The following FARS2 variants were observed in gnomAD, a reference collection of about 807,000 sequenced individuals.
FARS2 encodes the protein phenylalanyl-tRNA synthetase 2, mitochondrial.
FARS2 carries 40 observed loss-of-function variants against 46.4 expected under a neutral mutation model. The observed-to-expected ratio is 0.86, with a 90% CI of 0.67 to 1.12. The LOEUF is 1.12. FARS2 is among the 50% of genes most tolerant of loss of function. The pLI is 0.00. For synonymous variants in FARS2, 234 were observed against 214.9 expected (o/e 1.09, Z -0.78); for missense variants, 513 against 567.9 (o/e 0.90, Z 0.98).
chr6:5,620,195 C>T (rs1389733308), intron 6 of FARS2, among the ~76,000 whole-genome samples: 6 of 152,004 alleles, frequency 3.9e-5, no homozygotes, highest in South Asian at 2.1e-4. Flanking sequence ...ACCTTCCTAC[C>T]GTGCACGCGC....
rs1381607656 is a variant in FARS2 at position 5,311,405 on chromosome 6, C to T, written c.-22+49745C>T. On this transcript the variant is annotated intron_variant, in intron 1 of 6. Coordinates refer to ENST00000274680, the MANE Select transcript of FARS2 (RefSeq NM_006567.5). This position sits in a 1 kb window ranked among gnomAD's most constrained non-coding sequence, Gnocchi z 4.1. ...ATACAGAAGGGGGTCCTATTTCAGT[C>T]ACGTGTGTGTGTGTGTACATTTGGC... 2.6e-5 allele frequency among the ~76,000 whole-genome samples: 4 copies of T among 152,140 alleles called. No individual in the cohort carries two copies. Among genetic ancestry groups the T allele is most frequent in the Non-Finnish European group, 1.5e-5 (1 of 68,020 alleles).
intron 1 of FARS2, among the ~76,000 whole-genome samples, chr6:5,348,779 A>G (rs1365504989): frequency 6.6e-6 from 1 of 152,076 alleles, no homozygotes; most frequent in African/African-American, 2.4e-5. Context: ...GAAAAATTCA[A>G]TACTCATACA....
intron 1 of FARS2, among the ~76,000 whole-genome samples, chr6:5,328,591 G>A (rs931770448): frequency 6.6e-6 from 1 of 151,876 alleles, no homozygotes; most frequent in African/African-American, 2.4e-5. Flanking sequence ...TCATGTCTCC[G>A]ACATCCACTA....
At chr6:5,380,971 A>ATTATTTATTTAT (rs370795967) in intron 2 of FARS2, among the ~76,000 whole-genome samples, 523 of 119,142 alleles carry the variant, frequency 4.4e-3, no homozygotes, top group Non-Finnish European at 5.1e-3. Context: ...CATTATAGCA[A>ATTATTTATTTAT]TTATTTATTT....
upstream of FARS2, among the ~76,000 whole-genome samples, chr6:5,259,442 G>C (rs914145371): frequency 1.3e-5 from 2 of 152,206 alleles, no homozygotes; most frequent in Non-Finnish European, 2.9e-5. Flanking sequence ...ACTTAACTGG[G>C]TGGATACAAC....
intron 4 of FARS2, among the ~76,000 whole-genome samples, chr6:5,489,176 G>C (rs1248032989): frequency 6.6e-6 from 1 of 152,146 alleles, no homozygotes; most frequent in Non-Finnish European, 1.5e-5. Context: ...CAGTCAGGCT[G>C]GGTGCGGTGG....
chr6:5,258,244 T>C (rs1451079564), upstream of FARS2, among the ~76,000 whole-genome samples: 4 of 152,172 alleles, frequency 2.6e-5, no homozygotes, highest in Non-Finnish European at 5.9e-5. Flanking sequence ...GCAAGAGAGT[T>C]CCAAAGTATT....
At chr6:5,525,459 T>C (rs1232280620) in intron 4 of FARS2, among the ~76,000 whole-genome samples, 2 of 152,176 alleles carry the variant, frequency 1.3e-5, no homozygotes, top group African/African-American at 2.4e-5. Context: ...TGCACACAGC[T>C]GAGAGGCTCA....
chr6:5,562,729 G>C (rs9504436), intron 5 of FARS2, among the ~76,000 whole-genome samples: 63 of 141,248 alleles, frequency 4.5e-4, no homozygotes, highest in African/African-American at 1.8e-3. Context: ...CACACACACA[G>C]TGTTTTTCAT....
chr6:5,447,575 G>A (rs1031105349), intron 4 of FARS2, among the ~76,000 whole-genome samples: 1 of 152,166 alleles, frequency 6.6e-6, no homozygotes, highest in Non-Finnish European at 1.5e-5. Flanking sequence ...TTAGGTGAAG[G>A]CTTTTGTTAC....
At chr6:5,656,969 A>ATCTCTATT (rs1232197097) in intron 6 of FARS2, among the ~76,000 whole-genome samples, 1 of 152,166 alleles carries the variant, frequency 6.6e-6, no homozygotes, top group Admixed American at 6.5e-5. Flanking sequence ...GTATCACTTG[A>ATCTCTATT]GTGGCTTTTG....
chr6:5,409,437 C>T (rs997420106), intron 3 of FARS2, among the ~76,000 whole-genome samples: 9 of 104,600 alleles, frequency 8.6e-5, no homozygotes, highest in South Asian at 3.2e-4. Context: ...GGCAACAGAG[C>T]GAGACTGACT....
intron 4 of FARS2, among the ~76,000 whole-genome samples, chr6:5,502,217 A>C (rs1354908916): frequency 1.3e-5 from 2 of 152,210 alleles, no homozygotes; most frequent in Non-Finnish European, 2.9e-5. Flanking sequence ...GCCTTTAGTC[A>C]GATGAAACAG....
At chr6:5,500,952 G>C (rs1210785683) in intron 4 of FARS2, among the ~76,000 whole-genome samples, 2 of 151,596 alleles carry the variant, frequency 1.3e-5, no homozygotes, top group African/African-American at 4.9e-5. Context: ...GAGAGAGAGA[G>C]AGAGAGAGAG....
intron 4 of FARS2, among the ~76,000 whole-genome samples, chr6:5,443,431 C>T (rs1265247322): frequency 2.0e-5 from 3 of 152,230 alleles, no homozygotes; most frequent in Non-Finnish European, 4.4e-5. Flanking sequence ...GAAGAATATA[C>T]TTCTCTGCCC....
intron 1 of FARS2, among the ~76,000 whole-genome samples, chr6:5,273,514 GT>G (rs57173029): frequency 0.51 from 76,346 of 150,292 alleles, 19,821 homozygotes; most frequent in East Asian, 0.84. Context: ...ATCAGATTGT[GT>G]TTTTTTTTTA....
intron 5 of FARS2, among the ~76,000 whole-genome samples, chr6:5,549,635 C>T (rs559743248): frequency 3.3e-5 from 5 of 152,200 alleles, no homozygotes; most frequent in Admixed American, 3.3e-4. Flanking sequence ...ATAATCTTCC[C>T]ATCTCAAAAT....
At chr6:5,479,934 G>A (rs1766352182) in intron 4 of FARS2, among the ~76,000 whole-genome samples, 2 of 152,242 alleles carry the variant, frequency 1.3e-5, no homozygotes, top group South Asian at 2.1e-4. Flanking sequence ...AGAAGGGCAG[G>A]ACCATTGGAA....
chr6:5,705,808 G>A (rs1409996207), intron 6 of FARS2, among the ~76,000 whole-genome samples: 1 of 152,052 alleles, frequency 6.6e-6, no homozygotes, highest in African/African-American at 2.4e-5. Flanking sequence ...TTGAGCTTAT[G>A]CCCATCTTTC....
Sources: gnomAD v4.1 joint callset for allele counts (sites outside exome capture counted in the v4.1 genomes callset) on GRCh38, gnomAD v4.1.1 for gene constraint, Gnocchi (gnomAD v3.1) non-coding constraint, MANE v1.5 for transcripts, NCBI Gene and HGNC (gene_info 2026-07-23, HGNC 2026-07-21) for gene names.